ANKRD12: variants seen among roughly 807,000 people sequenced by gnomAD.
ANKRD12 encodes ankyrin repeat domain 12, also known as ankyrin repeat domain-containing protein 12.
ANKRD12 carries 85 observed loss-of-function variants against 183.4 expected under a neutral mutation model. That is an observed-to-expected ratio of 0.46 (90% CI 0.39 to 0.56). ANKRD12 has a LOEUF of 0.56. Ranked by LOEUF, ANKRD12 falls within the 20% of genes least tolerant of loss-of-function variation. The pLI is 0.00. For synonymous variants in ANKRD12, 914 were observed against 800.2 expected (o/e 1.14, Z -2.40); for missense variants, 2,405 against 2,357.1 (o/e 1.02, Z -0.42).
At chr18:9,208,905 T>G in intron 5 of ANKRD12, 102 bp downstream of exon 5, 1 of 1,163,962 alleles carries the variant, frequency 8.6e-7, no homozygotes, top group Non-Finnish European at 1.2e-6. Flanking sequence ...TTTTTATTCT[T>G]TCTTGGATTT....
intron 11 of ANKRD12, among the ~76,000 whole-genome samples, chr18:9,279,123 G>A (rs959775770): frequency 2.6e-5 from 4 of 151,064 alleles, no homozygotes; most frequent in Admixed American, 2.0e-4. Context: ...CATGAGCACC[G>A]CAGATATTGG....
In ANKRD12 at chr18:9,256,800, C is replaced by T; in HGVS notation, c.3533C>T (p.Ser1178Leu). 1.9e-6 allele frequency: 3 copies of T among 1,613,926 alleles called. No homozygotes were observed. Among genetic ancestry groups the T allele is most frequent in the Non-Finnish European group, 1.7e-6 (2 of 1,179,954 alleles). ...AAAAATGTAATGACTTTAGGGAAGT[C>T]ATCTTTTGTTTCAGATAATAGCTTA... is the stretch of plus-strand genomic sequence containing the variant. ...DTKNVMTLGK[S>L]SFVSDNSLNR... is the part of the protein sequence containing the mutation. The change falls in exon 9 of 13, where the codon TCA (serine) becomes TTA (leucine). Residue 1178 changes from serine to leucine, a missense_variant. Ser to Leu is a moderately radical substitution (Grantham distance 145). Transcript: ENST00000262126.
intron 2 of ANKRD12, among the ~76,000 whole-genome samples, chr18:9,186,800 G>A (rs1384876362): frequency 2.7e-5 from 4 of 146,610 alleles, no homozygotes; most frequent in Admixed American, 1.4e-4. Flanking sequence ...TCCCCGGGCC[G>A]GAGTGGAGTG....
Position 9,257,355 on chromosome 18 carries a change from C to G in ANKRD12, c.4088C>G (p.Ser1363Cys). The stretch of plus-strand genomic sequence containing the variant: ...CCTGAAAGAGACCTTTCAAATGTAT[C>G]TAACATACATTCCAGTTTTGCAACT... ...NVPERDLSNV[S>C]NIHSSFATSP... Residue 1363 changes from serine (S) to cysteine (C), a missense_variant, in exon 9 of 13, where the codon TCT (serine) becomes TGT (cysteine). By Grantham distance (112) the Ser-to-Cys change is moderately radical. This residue lies in a region of ANKRD12 where 1,983 missense variants were observed against 1,725.9 expected (regional missense o/e 1.15). Transcript: ENST00000262126. 1 of 1,614,116 alleles carries G rather than the reference C, an allele frequency of 6.2e-7. No individual in the cohort carries two copies.
At chr18:9,230,360 C>T (rs1191689976) in intron 8 of ANKRD12, among the ~76,000 whole-genome samples, 1 of 151,934 alleles carries the variant, frequency 6.6e-6, no homozygotes, top group Admixed American at 6.6e-5. Context: ...TTTGGATCTC[C>T]TTTCTTCTTA....
At position 9,257,363 on chromosome 18, in the gene ANKRD12, C is replaced by T; in HGVS notation, c.4096C>T (p.His1366Tyr). The T allele has an allele frequency of 5.0e-6, 8 of 1,614,146 alleles. No individual in the cohort carries two copies. The East Asian group carries it at 8.9e-5, about 18-fold the overall frequency. The change falls in exon 9 of 13, where the codon CAT becomes TAT. Residue 1366 changes from histidine to tyrosine, a missense_variant. His to Tyr is a moderately conservative substitution (Grantham distance 83). Coordinates refer to ENST00000262126, the MANE Select transcript of ANKRD12 (RefSeq NM_015208.5). ...ERDLSNVSNI[H>Y]SSFATSPTGA... ...AGACCTTTCAAATGTATCTAACATA[C>T]ATTCCAGTTTTGCAACTTCTCCAAC...
Position 9,225,230 on chromosome 18 carries a change from T to C in ANKRD12, c.943+3231T>C, listed in dbSNP as rs1598613558. Among the ~76,000 whole-genome samples the C allele has an allele frequency of 2.4e-5, 2 of 82,248 alleles. 1 individual carries two copies. The highest frequency in any genetic ancestry group is 5.7e-5 in the Non-Finnish European group (2 of 34,832). The allele number at this position is 82,248 out of a possible 152,430, so 54.0% of individuals were successfully genotyped here. On this transcript the variant is annotated intron_variant, in intron 8 of 12. Transcript: ENST00000262126. ...ACTTATGCCTGTAATCCCAGCACTT[T>C]TGGGAAGTCGAGGCGGACAGATCAC...
At chr18:9,181,013 A>C (rs2033660611) in intron 1 of ANKRD12, among the ~76,000 whole-genome samples, 1 of 152,170 alleles carries the variant, frequency 6.6e-6, no homozygotes, top group Non-Finnish European at 1.5e-5. Context: ...AAGCTTTACC[A>C]GTGGCTAGCT....
rs12456345 is a variant in ANKRD12 at position 9,150,404 on chromosome 18, A to C, written c.-52+13439A>C. 3.7e-3 allele frequency among the ~76,000 whole-genome samples: 558 copies of C among 152,276 alleles called. 4 individuals carry two copies. Among genetic ancestry groups the C allele is most frequent in the Middle Eastern group, 6.8e-3 (2 of 294 alleles). ...AACCAAGTAGAAATGGATCTATGTT[A>C]TTATTTTAAAAGAATTTTTTTTGCT... On this transcript the variant is annotated intron_variant, in intron 1 of 12. Coordinates refer to ENST00000262126, the MANE Select transcript of ANKRD12 (RefSeq NM_015208.5).
chr18:9,141,749 C>A (rs943656223), intron 1 of ANKRD12, among the ~76,000 whole-genome samples: 5 of 152,118 alleles, frequency 3.3e-5, no homozygotes, highest in African/African-American at 1.2e-4. Context: ...GTTTACCTTT[C>A]TGGTTTTCAG....
At chr18:9,240,592 G>A (rs1409242493) in intron 8 of ANKRD12, among the ~76,000 whole-genome samples, 4 of 152,170 alleles carry the variant, frequency 2.6e-5, no homozygotes, top group Admixed American at 1.3e-4. Flanking sequence ...TACTTAGAAT[G>A]TCTAATGAGC....
chr18:9,139,875 AGTCTGCAGCTAGT>A (rs560040131), intron 1 of ANKRD12, among the ~76,000 whole-genome samples: 156 of 152,302 alleles, frequency 1.0e-3, no homozygotes, highest in Non-Finnish European at 1.9e-3. Context: ...ACTTAAAGCT[AGTCTGCAGCTAGT>A]TAAAAACTAG....
Position 9,255,158 on chromosome 18 carries a change from C to T in ANKRD12, c.1891C>T (p.Pro631Ser). The change falls in exon 9 of 13, where the codon CCA (proline) becomes TCA (serine). Residue 631 changes from proline to serine, a missense_variant. Coordinates refer to ENST00000262126, the MANE Select transcript of ANKRD12 (RefSeq NM_015208.5). ...CAAAATAAAGGATGAAGATCATAGT[C>T]CAACATTTGAAAATTCAGATTGCAC... ...NAKIKDEDHSPTFENSDCTLK... is the reference protein window; with the variant it reads ...NAKIKDEDHSSTFENSDCTLK... 1 of 1,579,500 alleles carries T rather than the reference C, an allele frequency of 6.3e-7. No homozygotes were observed. Among genetic ancestry groups the T allele is most frequent in the Non-Finnish European group, 8.6e-7 (1 of 1,168,624 alleles).
intron 2 of ANKRD12, among the ~76,000 whole-genome samples, chr18:9,189,089 C>G (rs369721552): frequency 6.6e-6 from 1 of 152,124 alleles, no homozygotes; most frequent in African/African-American, 2.4e-5. Context: ...AGGAAAAGTT[C>G]TTGAAGAACA....
chr18:9,280,798 A>AT, intron 12 of ANKRD12, 143 bp from the exon 13 acceptor site: 1 of 774,886 alleles, frequency 1.3e-6, no homozygotes. Context: ...CAAAAAAAAA[A>AT]GAAAGAAATG....
chr18:9,221,285 T>C (rs576799324), intron 7 of ANKRD12, among the ~76,000 whole-genome samples: 22 of 152,256 alleles, frequency 1.4e-4, no homozygotes, highest in Non-Finnish European at 2.5e-4. Flanking sequence ...AAGTGATGAC[T>C]ACAACATTAG....
intron 2 of ANKRD12, among the ~76,000 whole-genome samples, chr18:9,187,166 C>T (rs1344836639): frequency 2.0e-5 from 3 of 152,006 alleles, no homozygotes; most frequent in Non-Finnish European, 4.4e-5. Context: ...GTGGCTCATG[C>T]CTATAATGTG....
In ANKRD12 at chr18:9,155,754, A is replaced by AT. The variant is rs1220183415; in HGVS notation, c.-52+18797dup. On this transcript the variant is annotated intron_variant, in intron 1 of 12. Transcript: ENST00000262126. ...TTTTGTTCTTTGTTCATGTCTTCTG[A>AT]TTTTTTTTGTAATTTTTCTGTTTTT... Among the ~76,000 whole-genome samples, 15 of 151,192 alleles carry AT rather than the reference A, an allele frequency of 9.9e-5. 1 individual carries two copies. The highest frequency in any genetic ancestry group is 7.3e-4 in the Admixed American group (11 of 15,162).
At chr18:9,188,489 GA>G (rs1490363519) in intron 2 of ANKRD12, among the ~76,000 whole-genome samples, 1 of 152,198 alleles carries the variant, frequency 6.6e-6, no homozygotes, top group African/African-American at 2.4e-5. Context: ...GAGACATGGA[GA>G]ATTATGTCCC....
Sources: allele counts gnomAD v4.1 joint callset (sites outside exome capture counted in the v4.1 genomes callset), GRCh38; gene constraint gnomAD v4.1.1; regional missense constraint gnomAD v4.1.1; transcripts MANE v1.5; gene names NCBI Gene and HGNC (gene_info 2026-07-23, HGNC 2026-07-21).